Variants in ADGRB3 observed in about 807,000 individuals in gnomAD.
The protein encoded by ADGRB3 is brain-specific angiogenesis inhibitor 3.
ADGRB3 carries 37 observed loss-of-function variants against 193.4 expected under a neutral mutation model. The observed-to-expected ratio is 0.19, with a 90% CI of 0.15 to 0.25. ADGRB3 has a LOEUF of 0.25. ADGRB3 is among the 10% of genes least tolerant of loss of function. The pLI, the probability that ADGRB3 is intolerant of heterozygous loss-of-function variation, is 1.00. For missense variants in ADGRB3, 1,637 were observed against 1,852.9 expected, an observed-to-expected ratio of 0.88 and a Z score of 2.14; for synonymous variants, 690 against 644.2, an observed-to-expected ratio of 1.07 and a Z score of -1.08.
intron 3 of ADGRB3, among the ~76,000 whole-genome samples, chr6:68,660,037 A>G (rs1401628053): frequency 1.3e-5 from 2 of 151,026 alleles, no homozygotes; most frequent in African/African-American, 4.8e-5. Flanking sequence ...TATAAATGTG[A>G]CAAAGAAAGC....
At chr6:68,669,753 A>T (rs542896107) in intron 3 of ADGRB3, among the ~76,000 whole-genome samples, 33 of 151,912 alleles carry the variant, frequency 2.2e-4, no homozygotes, top group African/African-American at 7.2e-4. Flanking sequence ...AGGAGTGCTG[A>T]TATCTCTTCG....
chr6:69,377,189 A>G (rs1239894118), intron 30 of ADGRB3, among the ~76,000 whole-genome samples: 3 of 151,974 alleles, frequency 2.0e-5, no homozygotes, highest in African/African-American at 7.2e-5. Flanking sequence ...TCAACAACCT[A>G]CTCTGGAGAG....
At chr6:69,273,507 CT>C (rs1273878191) in intron 20 of ADGRB3, among the ~76,000 whole-genome samples, 4 of 152,118 alleles carry the variant, frequency 2.6e-5, no homozygotes, top group Admixed American at 1.3e-4. Flanking sequence ...AATTTTAAAA[CT>C]CATGTCAACA....
chr6:69,185,449 G>T (rs745422102), intron 17 of ADGRB3, among the ~76,000 whole-genome samples: 1 of 152,122 alleles, frequency 6.6e-6, no homozygotes, highest in South Asian at 2.1e-4. Context: ...CCAGATTAGA[G>T]CAGAGCCAGG....
intron 8 of ADGRB3, among the ~76,000 whole-genome samples, chr6:68,957,633 C>A (rs1201974618): frequency 6.6e-6 from 1 of 152,162 alleles, no homozygotes; most frequent in Non-Finnish European, 1.5e-5. Context: ...CTCTGGCTGT[C>A]TGATTCCTGG....
At chr6:68,869,636 T>C (rs1765402339) in intron 3 of ADGRB3, among the ~76,000 whole-genome samples, 1 of 152,214 alleles carries the variant, frequency 6.6e-6, no homozygotes, top group African/African-American at 2.4e-5. Flanking sequence ...AAAAAGTCTA[T>C]GTTTCCAATT....
chr6:68,637,185 A>G (rs770507190), intron 1 of ADGRB3, among the ~76,000 whole-genome samples: 1 of 152,174 alleles, frequency 6.6e-6, no homozygotes, highest in African/African-American at 2.4e-5. Context: ...GTGTTTGCCT[A>G]TATCAAGACA....
At chr6:69,005,805 G>A (rs903002386) in intron 11 of ADGRB3, among the ~76,000 whole-genome samples, 5 of 152,036 alleles carry the variant, frequency 3.3e-5, no homozygotes, top group East Asian at 1.9e-4. Context: ...TTCAGATGTC[G>A]CCCTATCTTT....
intron 8 of ADGRB3, among the ~76,000 whole-genome samples, chr6:68,969,886 T>G (rs1260388063): frequency 6.6e-6 from 1 of 152,226 alleles, no homozygotes; most frequent in African/African-American, 2.4e-5. Flanking sequence ...AAATTTAAAA[T>G]TGAATCATTT....
chr6:68,930,776 T>C (rs1222560346), intron 4 of ADGRB3, 107 bp downstream of exon 4: 4 of 877,352 alleles, frequency 4.6e-6, no homozygotes, highest in African/African-American at 3.5e-5. Flanking sequence ...GAGCTGATAT[T>C]TTTTCGAGCC....
intron 20 of ADGRB3, among the ~76,000 whole-genome samples, chr6:69,239,431 G>A (rs760465218): frequency 5.3e-5 from 8 of 151,988 alleles, no homozygotes; most frequent in Non-Finnish European, 1.0e-4. Flanking sequence ...CCTGTGGGTT[G>A]AGAGGTTGTT....
chr6:69,274,156 C>T (rs1291043798), intron 20 of ADGRB3, among the ~76,000 whole-genome samples: 1 of 152,182 alleles, frequency 6.6e-6, no homozygotes, highest in African/African-American at 2.4e-5. Context: ...TTGAAGTGTT[C>T]TCAGTTCCAA....
At chr6:68,982,467 A>T (rs1284433616) in intron 10 of ADGRB3, among the ~76,000 whole-genome samples, 3 of 152,150 alleles carry the variant, frequency 2.0e-5, no homozygotes, top group Non-Finnish European at 4.4e-5. Flanking sequence ...TAGAGCCTAT[A>T]TGTGCCCATC....
chr6:68,706,717 T>G (rs1052142631), intron 3 of ADGRB3, among the ~76,000 whole-genome samples: 4 of 152,370 alleles, frequency 2.6e-5, no homozygotes, highest in African/African-American at 9.6e-5. Context: ...TAATGAGAAC[T>G]AATTAAATGT....
At chr6:69,329,401 A>G (rs950313330) in intron 22 of ADGRB3, among the ~76,000 whole-genome samples, 3 of 152,218 alleles carry the variant, frequency 2.0e-5, no homozygotes, top group African/African-American at 7.2e-5. Context: ...CTATGCTGAT[A>G]TAGTATCTCT....
intron 11 of ADGRB3, among the ~76,000 whole-genome samples, chr6:69,011,068 A>G (rs1365355472): frequency 6.6e-6 from 1 of 151,608 alleles, no homozygotes; most frequent in Admixed American, 6.6e-5. Context: ...TATCAGTCTG[A>G]TAGTTTAGTA....
At chr6:69,100,580 A>G (rs1310090423) in intron 17 of ADGRB3, among the ~76,000 whole-genome samples, 1 of 152,116 alleles carries the variant, frequency 6.6e-6, no homozygotes, top group Non-Finnish European at 1.5e-5. Context: ...GTATGGGTCA[A>G]TGGGAATACA....
chr6:68,944,319 A>C lies in ADGRB3; in HGVS notation c.1195+325A>C, dbSNP rs1032345327. ...GAATCCTAAAGACTTGAGATTAATT[A>C]TTGCCTTCACACTGGAACTAGGGAG... On this transcript the variant is annotated intron_variant, in intron 6 of 31. Coordinates refer to ENST00000370598, the MANE Select transcript of ADGRB3 (RefSeq NM_001704.3). Among the ~76,000 whole-genome samples, 13 of 152,146 alleles carry C rather than the reference A, an allele frequency of 8.5e-5. 1 individual carries two copies. Among genetic ancestry groups the C allele is most frequent in the Admixed American group, 7.2e-4 (11 of 15,262 alleles).
At chr6:69,028,003 C>T (rs1212063620) in intron 13 of ADGRB3, among the ~76,000 whole-genome samples, 1 of 152,110 alleles carries the variant, frequency 6.6e-6, no homozygotes, top group African/African-American at 2.4e-5. Flanking sequence ...AACTCCAACC[C>T]AAATCCTTGC....
Sources: gnomAD v4.1 joint callset for allele counts (sites outside exome capture counted in the v4.1 genomes callset) on GRCh38, gnomAD v4.1.1 for gene constraint, MANE v1.5 for transcripts, NCBI Gene and HGNC (gene_info 2026-07-23, HGNC 2026-07-21) for gene names.